The following CDHR2 variants were observed in gnomAD, a reference collection of about 807,000 sequenced individuals.
CDHR2 encodes cadherin-related family member 2.
Under a neutral mutation model 138.6 loss-of-function variants are expected in CDHR2, and 104 were observed. The ratio of observed to expected loss-of-function variants is 0.75; its 90% confidence interval spans 0.64 to 0.88. The LOEUF (loss-of-function observed/expected upper bound fraction) is 0.88. CDHR2 is among the 40% of genes least tolerant of loss of function. CDHR2 has a pLI of 0.00. For missense variants in CDHR2, 1,624 were observed against 1,727.6 expected, an observed-to-expected ratio of 0.94 and a Z score of 1.06; for synonymous variants, 755 against 742.8, an observed-to-expected ratio of 1.02 and a Z score of -0.27.
chr5:176,584,072 G>A, intron 17 of CDHR2, 118 bp from the exon 18 acceptor site: 2 of 828,474 alleles, frequency 2.4e-6, no homozygotes, highest in Non-Finnish European at 4.0e-6. Context: ...AGTGGGCAGT[G>A]AGGTCTGAGG....
intron 12 of CDHR2, 66 bp from the exon 13 acceptor site, chr5:176,577,333 A>G: frequency 3.9e-6 from 6 of 1,519,984 alleles, no homozygotes; most frequent in Non-Finnish European, 5.4e-6. Context: ...AAGCCTGGGG[A>G]CTGGGGGAAG....
chr5:176,545,723 A>C (rs1339731998), upstream of CDHR2, among the ~76,000 whole-genome samples: 1 of 152,220 alleles, frequency 6.6e-6, no homozygotes, highest in Non-Finnish European at 1.5e-5. Context: ...GACCCAGGTC[A>C]CTTGAGTCCA....
intron 1 of CDHR2, among the ~76,000 whole-genome samples, chr5:176,562,096 G>A (rs1384968074): frequency 6.6e-6 from 1 of 152,156 alleles, no homozygotes; most frequent in Non-Finnish European, 1.5e-5. Flanking sequence ...GTGGTTCGAG[G>A]TGAAGCTGGA....
chr5:176,585,014 T>C lies in CDHR2; in HGVS notation c.2733T>C (p.Asn911=). 6.5e-7 allele frequency: 1 copy of C among 1,541,750 alleles called. No homozygotes were observed. Among genetic ancestry groups the C allele is most frequent in the South Asian group, 1.2e-5 (1 of 84,158 alleles). ...CCGGCTTCCAGGCCTACAGCAACAA[T>C]GGTAAGGCAGCCTGTCCTTGCAGGG... The part of the protein sequence containing the change: ...TDPGFQAYSN[N]GSLLITIEDV... The change falls in exon 19 of 32, where the codon AAT becomes AAC. Residue 911 remains asparagine, a splice_region_variant and synonymous_variant. Coordinates refer to ENST00000261944, the MANE Select transcript of CDHR2 (RefSeq NM_017675.6).
In CDHR2 at chr5:176,576,887, C is replaced by T. The variant is rs1369239534; in HGVS notation, c.1195-512C>T. On this transcript the variant is annotated intron_variant, in intron 12 of 31. Coordinates refer to ENST00000261944, the MANE Select transcript of CDHR2 (RefSeq NM_017675.6). This position sits in a 1 kb window ranked among gnomAD's most constrained non-coding sequence, Gnocchi z 4.5. ...CCACCGCGCCCAGCCATGGGAGGCA[C>T]TCTTAAGTGGAGGCTGCAGTGAGAG... Among the ~76,000 whole-genome samples the T allele has an allele frequency of 6.6e-6, 1 of 152,058 alleles. No homozygotes were observed. The highest frequency in any genetic ancestry group is 1.5e-5 in the Non-Finnish European group (1 of 68,002).
chr5:176,578,522 G>A lies in CDHR2; in HGVS notation c.1732G>A (p.Asp578Asn). The A allele has an allele frequency of 6.2e-7, 1 of 1,614,154 alleles. No homozygotes were observed. Among genetic ancestry groups the A allele is most frequent in the South Asian group, 1.1e-5 (1 of 91,068 alleles). Reference sequence around the variant, plus strand: ...CACCACACTGCAGATCCACCTGCTGGACATCAACGACAATGCACCCGTGGT... The same window carrying A: ...CACCACACTGCAGATCCACCTGCTGAACATCAACGACAATGCACCCGTGGT... ...SSTTLQIHLL[D>N]INDNAPVVSG... The change falls in exon 16 of 32, where the codon GAC becomes AAC. Residue 578 changes from aspartate (D) to asparagine (N), a missense_variant. Asp to Asn is a conservative substitution (Grantham distance 23). This residue lies in a region of CDHR2 where 1,061 missense variants were observed against 1,136.6 expected (regional missense o/e 0.93). Transcript: ENST00000261944.
intron 11 of CDHR2, 53 bp from the exon 12 acceptor site, chr5:176,575,897 ATC>A (rs957973730): frequency 2.6e-6 from 4 of 1,565,432 alleles, no homozygotes; most frequent in Non-Finnish European, 2.6e-6. Context: ...CTGGCCTTTG[ATC>A]TCTCTCTCTG....
Position 176,555,898 on chromosome 5 carries a change from C to T in CDHR2, c.-16+6484C>T, listed in dbSNP as rs1581130464. Among the ~76,000 whole-genome samples, 5 of 76,078 alleles carry T rather than the reference C, an allele frequency of 6.6e-5. No homozygotes were observed. In the Admixed American group the frequency reaches 6.8e-4, roughly 10 times the overall value. 49.9% of individuals were successfully genotyped at this position (76,078 alleles called of 152,430 possible). ...CCTGGGAGACAGAGTAAGACTCCAT[C>T]TCAAAACAAACAAAAAAAACCCCCT... On this transcript the variant is annotated intron_variant, in intron 1 of 31. Coordinates refer to ENST00000261944, the MANE Select transcript of CDHR2 (RefSeq NM_017675.6).
rs1429954329 is a variant in CDHR2 at position 176,577,633 on chromosome 5, C to A, written c.1351-4C>A. 1 of 1,614,100 alleles carries A rather than the reference C, an allele frequency of 6.2e-7. No homozygotes were observed. Among genetic ancestry groups the A allele is most frequent in the Admixed American group, 1.7e-5 (1 of 60,014 alleles). ...ACAGCTGCTGCCTCCTCCCCTGCCCCCAGGTTGTGGCCACAGACTCCGTCA... is the reference window on the plus strand; with the variant it reads ...ACAGCTGCTGCCTCCTCCCCTGCCCACAGGTTGTGGCCACAGACTCCGTCA... On this transcript the variant is annotated splice_region_variant and splice_polypyrimidine_tract_variant and intron_variant, in intron 13 of 31. Transcript: ENST00000261944.
chr5:176,567,142 T>C (rs780105769), intron 3 of CDHR2: 2 of 382,184 alleles, frequency 5.2e-6, no homozygotes, highest in Admixed American at 3.1e-5. Flanking sequence ...GTCTATCCCA[T>C]GGAGGCTGGA....
At chr5:176,592,093 G>T (rs1581152721) in intron 30 of CDHR2, among the ~76,000 whole-genome samples, 1 of 64,732 alleles carries the variant, frequency 1.5e-5, no homozygotes, top group Non-Finnish European at 4.7e-5. Flanking sequence ...GGTGGTGGTG[G>T]TGATGGTGGT....
intron 20 of CDHR2, 57 bp from the exon 21 acceptor site, chr5:176,586,736 T>C: frequency 4.6e-6 from 7 of 1,507,626 alleles, no homozygotes; most frequent in Non-Finnish European, 6.4e-6. Flanking sequence ...TGACCAGCCT[T>C]GGTCCAGGTG....
At chr5:176,582,309 C>G (rs947827729) in intron 17 of CDHR2, among the ~76,000 whole-genome samples, 1 of 152,200 alleles carries the variant, frequency 6.6e-6, no homozygotes, top group African/African-American at 2.4e-5. Context: ...TGCGTGCCAC[C>G]ATGCCTGGCT....
At chr5:176,588,485 A>C (rs1333358834) in intron 21 of CDHR2, among the ~76,000 whole-genome samples, 1 of 136,128 alleles carries the variant, frequency 7.3e-6, no homozygotes, top group African/African-American at 2.9e-5. Flanking sequence ...GTGTGAGAGG[A>C]TAAGTGTGTG....
chr5:176,589,043 G>A lies in CDHR2; in HGVS notation c.2869G>A (p.Asp957Asn), dbSNP rs1226836256. The A allele has an allele frequency of 6.2e-7, 1 of 1,613,956 alleles. No homozygotes were observed. Among genetic ancestry groups the A allele is most frequent in the Non-Finnish European group, 8.5e-7 (1 of 1,179,992 alleles). Residue 957 changes from aspartate to asparagine, a missense_variant, in exon 22 of 32, where the codon GAT becomes AAT. Around this residue, in one of 3 missense-constraint regions of CDHR2, gnomAD observed 556 missense variants for 565.7 expected, o/e 0.98. Transcript: ENST00000261944. ...EVASVRARDD[D>N]SGNNGVILFS... is the part of the protein sequence containing the mutation. ...CTCTTGCTCCCAGGCCAGAGACGAT[G>A]ATTCAGGGAACAATGGCGTCATCCT...
At chr5:176,573,485 T>C (rs116618411) in intron 6 of CDHR2, among the ~76,000 whole-genome samples, 2 of 150,402 alleles carry the variant, frequency 1.3e-5, no homozygotes, top group Admixed American at 6.6e-5. Context: ...ATTAAAAATA[T>C]ATATAAAAAA....
intron 12 of CDHR2, 114 bp from the exon 13 acceptor site, chr5:176,577,285 T>C (rs1758405961): frequency 1.7e-6 from 2 of 1,180,818 alleles, no homozygotes; most frequent in African/African-American, 1.5e-5. Context: ...GAGAGCCCCC[T>C]TCCATGGGAC....
intron 30 of CDHR2, among the ~76,000 whole-genome samples, chr5:176,592,234 CAAT>C (rs1219930525): frequency 1.8e-5 from 2 of 108,944 alleles, no homozygotes; most frequent in Middle Eastern, 0.011. Flanking sequence ...GTGATGATGA[CAAT>C]GATGATGGTG....
chr5:176,593,669 G>T (rs1758943994), intron 31 of CDHR2, among the ~76,000 whole-genome samples: 1 of 152,244 alleles, frequency 6.6e-6, no homozygotes. Context: ...TTTTCCCCCA[G>T]TCTGGGTTCT....
Sources: allele counts gnomAD v4.1 joint callset (sites outside exome capture counted in the v4.1 genomes callset), GRCh38; gene constraint gnomAD v4.1.1; regional missense constraint gnomAD v4.1.1; non-coding constraint Gnocchi (gnomAD v3.1); transcripts MANE v1.5; gene names NCBI Gene and HGNC (gene_info 2026-07-23, HGNC 2026-07-21).